The following RAPGEF2 variants were observed in gnomAD, a reference collection of about 807,000 sequenced individuals.
The protein encoded by RAPGEF2 is PDZ domain containing guanine nucleotide exchange factor (GEF) 1.
RAPGEF2 carries 54 observed loss-of-function variants against 186.7 expected under a neutral mutation model. The ratio of observed to expected loss-of-function variants is 0.29; its 90% confidence interval spans 0.23 to 0.36. RAPGEF2 has a LOEUF of 0.36. Among genes scored for constraint, RAPGEF2 ranks in the 10% least tolerant of loss-of-function variants. The pLI, the probability that RAPGEF2 is intolerant of heterozygous loss-of-function variation, is 1.00. For missense variants in RAPGEF2, 1,532 were observed against 2,045.0 expected (o/e 0.75, Z 4.84); for synonymous variants, 712 against 705.9 (o/e 1.01, Z -0.14).
intron 1 of RAPGEF2, among the ~76,000 whole-genome samples, chr4:159,163,233 A>G (rs1040402389): frequency 1.3e-5 from 2 of 152,116 alleles, no homozygotes; most frequent in Admixed American, 1.3e-4. Flanking sequence ...TATTTTACCT[A>G]TTTTACAGAT....
At chr4:159,326,505 A>G (rs1485293792) in intron 11 of RAPGEF2, among the ~76,000 whole-genome samples, 4 of 152,366 alleles carry the variant, frequency 2.6e-5, no homozygotes, top group African/African-American at 9.6e-5. Context: ...GGTTGAGCTC[A>G]TGTTAAGCCT....
chr4:159,149,935 G>A (rs76506962), intron 1 of RAPGEF2, among the ~76,000 whole-genome samples: 4,500 of 152,260 alleles, frequency 0.03, 99 homozygotes, highest in Admixed American at 0.052. Flanking sequence ...ACTAACACTG[G>A]TCTAAAAACA....
At chr4:159,238,716 T>G (rs1753594941) in intron 4 of RAPGEF2, 93 bp from the exon 5 acceptor site, 1 of 793,672 alleles carries the variant, frequency 1.3e-6, no homozygotes, top group Admixed American at 3.6e-5. Context: ...GTTTTTAATT[T>G]TTATTTATCA....
At chr4:159,250,362 G>C (rs995321964) in intron 7 of RAPGEF2, among the ~76,000 whole-genome samples, 60 of 152,308 alleles carry the variant, frequency 3.9e-4, no homozygotes, top group African/African-American at 1.4e-3. Context: ...GTGGTAGTTG[G>C]ATGCAATATG....
chr4:159,114,967 G>A (rs1579218720), intron 1 of RAPGEF2, among the ~76,000 whole-genome samples: 1 of 152,254 alleles, frequency 6.6e-6, no homozygotes, highest in Admixed American at 6.5e-5. Flanking sequence ...TCATCTAGAT[G>A]TCTTAAAAGG....
intron 8 of RAPGEF2, among the ~76,000 whole-genome samples, chr4:159,310,273 A>G (rs1325460907): frequency 6.6e-6 from 1 of 152,168 alleles, no homozygotes; most frequent in African/African-American, 2.4e-5. Flanking sequence ...AGACATTTTT[A>G]TATACTCCTC....
chr4:159,317,929 A>G (rs376153723), intron 9 of RAPGEF2, among the ~76,000 whole-genome samples: 1 of 152,214 alleles, frequency 6.6e-6, no homozygotes, highest in Non-Finnish European at 1.5e-5. Context: ...AATGCTGATT[A>G]TTAAAATACA....
chr4:159,324,041 C>T (rs1002219410), intron 11 of RAPGEF2, among the ~76,000 whole-genome samples: 19 of 152,128 alleles, frequency 1.2e-4, no homozygotes, highest in African/African-American at 3.1e-4. Flanking sequence ...GGACTACAGG[C>T]GTGCACCACC....
chr4:159,166,282 C>G (rs1210917846), intron 1 of RAPGEF2, among the ~76,000 whole-genome samples: 5 of 152,006 alleles, frequency 3.3e-5, no homozygotes, highest in Non-Finnish European at 7.4e-5. Flanking sequence ...CCACTGCACT[C>G]TAGCCTGGGC....
At position 159,241,299 on chromosome 4, in the gene RAPGEF2, A is replaced by G; in HGVS notation, c.456A>G (p.Arg152=). 6.5e-7 allele frequency: 1 copy of G among 1,533,598 alleles called. No individual in the cohort carries two copies. Among genetic ancestry groups the G allele is most frequent in the Middle Eastern group, 1.7e-4 (1 of 5,978 alleles). 95.0% of individuals were successfully genotyped at this position (1,533,598 alleles called of 1,614,324 possible). A position where few individuals can be genotyped will look rare whatever the true frequency, so the allele number is the denominator to read the frequency against. ...GAAAAATCAACCAGAAAGGTGAAAG[A>G]CAAACAATTATTGACACTGTGGATC... ...RFRKINQKGE[R]QTIIDTVDPY... Residue 152 remains arginine, a synonymous_variant, in exon 6 of 30, where the codon AGA becomes AGG. Coordinates refer to ENST00000691494, the MANE Select transcript of RAPGEF2 (RefSeq NM_001394067.2).
intron 4 of RAPGEF2, among the ~76,000 whole-genome samples, chr4:159,233,598 A>G (rs1484179424): frequency 1.3e-5 from 2 of 152,144 alleles, no homozygotes; most frequent in Non-Finnish European, 2.9e-5. Flanking sequence ...TAATAATGAC[A>G]CAATGGACTT....
chr4:159,173,477 C>A, intron 1 of RAPGEF2, among the ~76,000 whole-genome samples: 1 of 151,994 alleles, frequency 6.6e-6, no homozygotes, highest in Non-Finnish European at 1.5e-5. Context: ...CCCTTTGTTG[C>A]GGAGATAGGA....
At chr4:159,213,648 G>A (rs1750734790) in intron 4 of RAPGEF2, among the ~76,000 whole-genome samples, 1 of 152,112 alleles carries the variant, frequency 6.6e-6, no homozygotes, top group Non-Finnish European at 1.5e-5. Flanking sequence ...GTTTAAGTCA[G>A]CATTTTATGT....
intron 7 of RAPGEF2, among the ~76,000 whole-genome samples, chr4:159,259,346 C>G (rs934452922): frequency 1.3e-5 from 2 of 152,138 alleles, no homozygotes; most frequent in Non-Finnish European, 2.9e-5. Context: ...TGTCCAATGT[C>G]CAATATCCAG....
chr4:159,237,409 C>A (rs996209416), intron 4 of RAPGEF2, among the ~76,000 whole-genome samples: 3 of 152,078 alleles, frequency 2.0e-5, no homozygotes, highest in Admixed American at 6.6e-5. Flanking sequence ...CCTAGTCTAA[C>A]CTGATAACCT....
Position 159,243,475 on chromosome 4 carries a change from T to C in RAPGEF2, c.526-299T>C, listed in dbSNP as rs370096392. Among the ~76,000 whole-genome samples the C allele has an allele frequency of 6.6e-5, 10 of 152,144 alleles. No individual in the cohort carries two copies. In the East Asian group the frequency reaches 1.5e-3, roughly 23 times the overall value. ...ATTACCCCTACGCCATATTTACTTA[T>C]TCTTAACAGAAATAGTTCTCTTTGA... On this transcript the variant is annotated intron_variant, in intron 6 of 29. Coordinates refer to ENST00000691494, the MANE Select transcript of RAPGEF2 (RefSeq NM_001394067.2).
intron 25 of RAPGEF2, among the ~76,000 whole-genome samples, chr4:159,347,611 T>C (rs1231470037): frequency 1.3e-5 from 2 of 152,042 alleles, no homozygotes; most frequent in Non-Finnish European, 2.9e-5. Flanking sequence ...GGTGAAACCC[T>C]GTCTCTACTA....
chr4:159,169,103 G>A (rs929051174), intron 1 of RAPGEF2, among the ~76,000 whole-genome samples: 1 of 152,182 alleles, frequency 6.6e-6, no homozygotes, highest in African/African-American at 2.4e-5. Context: ...TTTGCACAGA[G>A]CAAGTATTCA....
At chr4:159,178,267 T>C (rs1746647406) in intron 1 of RAPGEF2, among the ~76,000 whole-genome samples, 1 of 151,976 alleles carries the variant, frequency 6.6e-6, no homozygotes, top group Non-Finnish European at 1.5e-5. Flanking sequence ...CTATACAGGA[T>C]AGGAGGGATT....
Sources: gnomAD v4.1 joint callset for allele counts (sites outside exome capture counted in the v4.1 genomes callset) on GRCh38, gnomAD v4.1.1 for gene constraint, MANE v1.5 for transcripts, NCBI Gene and HGNC (gene_info 2026-07-23, HGNC 2026-07-21) for gene names.